The following SEPTIN7 variants were observed in gnomAD, a reference collection of about 807,000 sequenced individuals.
The protein encoded by SEPTIN7 is septin-7.
In SEPTIN7, 10 loss-of-function variants were observed where a neutral mutation model predicts 63.3. That is an observed-to-expected ratio of 0.16 (90% CI 0.10 to 0.27). The LOEUF (loss-of-function observed/expected upper bound fraction) is 0.27, where lower values mean the gene tolerates loss of function less well. Ranked by LOEUF, SEPTIN7 falls within the 10% of genes least tolerant of loss-of-function variation. The probability of loss-of-function intolerance (pLI) is 1.00; values close to 1 mark genes in which losing one functional copy is unlikely to be tolerated. For synonymous variants in SEPTIN7, 131 were observed against 165.3 expected, an observed-to-expected ratio of 0.79 and a Z score of 1.59; for missense variants, 310 against 521.0, an observed-to-expected ratio of 0.59 and a Z score of 3.94.
At chr7:35,895,565 G>C (rs920681544) in intron 11 of SEPTIN7, among the ~76,000 whole-genome samples, 7 of 152,142 alleles carry the variant, frequency 4.6e-5, no homozygotes, top group African/African-American at 1.7e-4. Context: ...TTTTTATAGT[G>C]ATTTAGTGTA....
intron 12 of SEPTIN7, chr7:35,899,726 T>A (rs1022140887): frequency 1.3e-5 from 2 of 151,840 alleles, no homozygotes; most frequent in Non-Finnish European, 2.9e-5. Flanking sequence ...CTATAAAAAA[T>A]TTTTAAAAAT....
chr7:35,836,933 GTAACT>G (rs142661231), intron 3 of SEPTIN7, among the ~76,000 whole-genome samples: 2,243 of 152,042 alleles, frequency 0.015, 50 homozygotes, highest in African/African-American at 0.05. Flanking sequence ...ATTAATAGAA[GTAACT>G]TAACTGATAA....
intron 12 of SEPTIN7, chr7:35,901,137 C>T (rs1189176899): frequency 6.6e-6 from 1 of 152,268 alleles, no homozygotes; most frequent in African/African-American, 2.4e-5. Context: ...CAGCACAGTA[C>T]ATCAGCCACA....
chr7:35,903,780 A>C (rs779108476), intron 13 of SEPTIN7, among the ~76,000 whole-genome samples: 24 of 152,184 alleles, frequency 1.6e-4, no homozygotes, highest in Non-Finnish European at 3.2e-4. Flanking sequence ...TATAAGGATT[A>C]TATAGTTTAT....
chr7:35,817,483 C>T (rs1789145021), intron 1 of SEPTIN7, among the ~76,000 whole-genome samples: 1 of 152,044 alleles, frequency 6.6e-6, no homozygotes, highest in Non-Finnish European at 1.5e-5. Flanking sequence ...GTGAGTCTTC[C>T]AACTTTGTTC....
chr7:35,892,541 T>G (rs1787711270), intron 11 of SEPTIN7, among the ~76,000 whole-genome samples: 1 of 152,182 alleles, frequency 6.6e-6, no homozygotes, highest in Non-Finnish European at 1.5e-5. Context: ...GTTAAATATA[T>G]GTACTTATTC....
At chr7:35,899,919 A>G (rs1429040795) in intron 12 of SEPTIN7, 1 of 152,174 alleles carries the variant, frequency 6.6e-6, no homozygotes, top group Non-Finnish European at 1.5e-5. Flanking sequence ...GATGACAGTA[A>G]TATAAAATAG....
At chr7:35,870,080 G>A (rs774827968) in intron 4 of SEPTIN7, among the ~76,000 whole-genome samples, 6 of 152,128 alleles carry the variant, frequency 3.9e-5, no homozygotes, top group South Asian at 2.1e-4. Flanking sequence ...GGATACAGTC[G>A]GATCCTGTGA....
intron 1 of SEPTIN7, among the ~76,000 whole-genome samples, chr7:35,805,211 A>G (rs1380552504): frequency 6.6e-6 from 1 of 152,194 alleles, no homozygotes; most frequent in East Asian, 1.9e-4. Context: ...CATAGAAAAG[A>G]TGATGTGCTG....
chr7:35,835,531 C>T (rs1051783504), intron 3 of SEPTIN7, among the ~76,000 whole-genome samples: 2 of 152,148 alleles, frequency 1.3e-5, no homozygotes, highest in Admixed American at 6.6e-5. Context: ...CAAACCCAGT[C>T]TACTGCTCAG....
At chr7:35,888,261 T>C (rs948004141) in intron 10 of SEPTIN7, among the ~76,000 whole-genome samples, 9 of 152,194 alleles carry the variant, frequency 5.9e-5, no homozygotes, top group Admixed American at 5.2e-4. Context: ...CATAAAATGA[T>C]AAAGTATATT....
In SEPTIN7 at chr7:35,881,221, C is replaced by A. The variant is rs568810416; in HGVS notation, c.631-1263C>A. Among the ~76,000 whole-genome samples, 9 of 151,550 alleles carry A rather than the reference C, an allele frequency of 5.9e-5. No individual in the cohort carries two copies. In the South Asian group the frequency reaches 1.7e-3, roughly 28 times the overall value. On this transcript the variant is annotated intron_variant, in intron 7 of 13. Transcript: ENST00000350320. ...TAGTATTTTTGTGTTTTACACTTAC[C>A]CATTCCCATTTTTGTTTTGTAATGT...
chr7:35,884,738 A>C (rs1787122191), intron 9 of SEPTIN7, among the ~76,000 whole-genome samples: 1 of 152,180 alleles, frequency 6.6e-6, no homozygotes, highest in African/African-American at 2.4e-5. Context: ...TCATATTTAG[A>C]GTAAAAAAAT....
chr7:35,846,675 C>A, intron 3 of SEPTIN7: 1 of 154,630 alleles, frequency 6.5e-6, no homozygotes. Flanking sequence ...GAAATGGCAT[C>A]AGGCCTGTAT....
chr7:35,861,715 C>G (rs1785521427), intron 3 of SEPTIN7, among the ~76,000 whole-genome samples: 1 of 152,108 alleles, frequency 6.6e-6, no homozygotes, highest in Non-Finnish European at 1.5e-5. Flanking sequence ...CTTCTCTCAC[C>G]CAATGAGGTC....
chr7:35,831,421 A>G, intron 1 of SEPTIN7, 71 bp from the exon 2 acceptor site: 1 of 408,486 alleles, frequency 2.4e-6, no homozygotes, highest in South Asian at 1.8e-5. Context: ...TTCTTTGTTT[A>G]CTGTTCCTCT....
At chr7:35,895,130 C>T (rs1787883458) in intron 11 of SEPTIN7, among the ~76,000 whole-genome samples, 1 of 151,996 alleles carries the variant, frequency 6.6e-6, no homozygotes. Context: ...GTAAGAGTTT[C>T]CTATTAAAAA....
intron 1 of SEPTIN7, among the ~76,000 whole-genome samples, chr7:35,827,603 G>T (rs544551521): frequency 6.6e-6 from 1 of 152,214 alleles, no homozygotes; most frequent in East Asian, 1.9e-4. Context: ...TGATTCTCCT[G>T]CCTCAGCCTC....
chr7:35,814,895 A>G (rs1241487563), intron 1 of SEPTIN7, among the ~76,000 whole-genome samples: 1 of 151,180 alleles, frequency 6.6e-6, no homozygotes, highest in African/African-American at 2.4e-5. Context: ...GAATGGCCTA[A>G]ACCTGGAAGG....
Sources: allele counts gnomAD v4.1 joint callset (sites outside exome capture counted in the v4.1 genomes callset), GRCh38; gene constraint gnomAD v4.1.1; transcripts MANE v1.5; gene names NCBI Gene and HGNC (gene_info 2026-07-23, HGNC 2026-07-21).